TRPM1: variants seen among roughly 807,000 people sequenced by gnomAD.
TRPM1 encodes the protein TRPM1-203 APA Isoform, Intron 10.
A neutral mutation model predicts 149.4 loss-of-function variants in TRPM1; 113 were observed. The ratio of observed to expected loss-of-function variants is 0.76; its 90% CI spans 0.65 to 0.88. The LOEUF (loss-of-function observed/expected upper bound fraction) is 0.88. TRPM1 is among the 40% of genes least tolerant of loss of function. TRPM1 has a pLI of 0.00. For synonymous variants in TRPM1, 741 were observed against 759.5 expected (o/e 0.98, Z 0.40); for missense variants, 1,976 against 2,038.7 (o/e 0.97, Z 0.59).
At chr15:31,131,876 CT>C (rs1449127621) in intron 1 of TRPM1, among the ~76,000 whole-genome samples, 1 of 151,452 alleles carries the variant, frequency 6.6e-6, no homozygotes, top group African/African-American at 2.4e-5. Flanking sequence ...GTTCCTACCA[CT>C]TTTATTTTTT....
At chr15:31,158,483 C>G (rs894083914) in intron 1 of TRPM1, among the ~76,000 whole-genome samples, 1 of 151,800 alleles carries the variant, frequency 6.6e-6, no homozygotes, top group Admixed American at 6.6e-5. Flanking sequence ...AAAAATTATC[C>G]GGGTGTGGTG....
chr15:31,066,710 T>C (rs902851539), intron 6 of TRPM1, among the ~76,000 whole-genome samples: 1 of 152,222 alleles, frequency 6.6e-6, no homozygotes, highest in Non-Finnish European at 1.5e-5. Flanking sequence ...AAAGGTTACA[T>C]TACTGTATGA....
Position 31,002,304 on chromosome 15 carries a change from G to C in TRPM1, c.4396C>G (p.Arg1466Gly). Residue 1466 changes from arginine to glycine, a missense_variant, in exon 28 of 28, where the codon CGG becomes GGG. Arg to Gly is a moderately radical substitution (Grantham distance 125). This residue lies in a region of TRPM1 where 572 missense variants were observed against 578.9 expected (regional missense o/e 0.99). Coordinates refer to ENST00000256552, the MANE Select transcript of TRPM1 (RefSeq NM_001252024.2). ...TMKSRSFVYSRGRKLVGGVNQ... is the reference protein window; with the variant it reads ...TMKSRSFVYSGGRKLVGGVNQ... ...ACCCCACCGACCAGCTTTCTTCCCC[G>C]GGAATAGACGAAGCTTCTGGACTTC... 1 of 1,614,142 alleles carries C rather than the reference G, an allele frequency of 6.2e-7. No homozygotes were observed. Among genetic ancestry groups the C allele is most frequent in the Non-Finnish European group, 8.5e-7 (1 of 1,180,024 alleles).
In TRPM1 at chr15:31,098,354, T is replaced by C. The variant is rs553035768; in HGVS notation, c.-84+3303A>G. The stretch of plus-strand genomic sequence containing the variant: ...AGTTGGCAGGAGAATCGCTTGAATC[T>C]GGGAGGCGGAGGTTGCGGTGAGCCG... On this transcript the variant is annotated intron_variant, in intron 1 of 27. Coordinates refer to ENST00000256552, the MANE Select transcript of TRPM1 (RefSeq NM_001252024.2). 2.0e-5 allele frequency among the ~76,000 whole-genome samples: 3 copies of C among 152,224 alleles called. No individual in the cohort carries two copies. The South Asian group carries it at 6.2e-4, about 32-fold the overall frequency.
At chr15:31,096,729 A>T (rs2035394107) in intron 1 of TRPM1, among the ~76,000 whole-genome samples, 1 of 151,992 alleles carries the variant, frequency 6.6e-6, no homozygotes. Context: ...TCCTTTCCCG[A>T]TGTTCTCTGT....
intron 1 of TRPM1, among the ~76,000 whole-genome samples, chr15:31,150,433 CTT>C (rs35862690): frequency 9.5e-4 from 105 of 110,824 alleles, no homozygotes; most frequent in East Asian, 6.0e-3. Context: ...TTTTCTTTTC[CTT>C]TTTTTTTTTT....
intron 16 of TRPM1, among the ~76,000 whole-genome samples, chr15:31,044,712 C>A (rs2033714794): frequency 6.9e-6 from 1 of 144,794 alleles, no homozygotes; most frequent in East Asian, 2.0e-4. Context: ...ACCTGGGAGG[C>A]TAAGGTTGCA....
At chr15:31,102,431 C>T (rs2035535544), upstream of TRPM1, among the ~76,000 whole-genome samples, 1 of 152,260 alleles carries the variant, frequency 6.6e-6, no homozygotes, top group East Asian at 1.9e-4. Flanking sequence ...TGGGTCTTCC[C>T]CAGCATCTGA....
chr15:31,056,697 T>A (rs375638429), intron 11 of TRPM1, among the ~76,000 whole-genome samples: 12 of 152,232 alleles, frequency 7.9e-5, no homozygotes, highest in Admixed American at 3.9e-4. Flanking sequence ...AATGCTTTTA[T>A]AGAGGGAGAG....
intron 1 of TRPM1, among the ~76,000 whole-genome samples, chr15:31,091,015 A>G (rs78991335): frequency 0.022 from 3,400 of 152,318 alleles, 134 homozygotes; most frequent in African/African-American, 0.077. Flanking sequence ...TGTATTCAGT[A>G]AACAGTTTTG....
intron 1 of TRPM1, among the ~76,000 whole-genome samples, chr15:31,155,914 C>T (rs182568881): frequency 2.0e-5 from 3 of 152,132 alleles, no homozygotes; most frequent in South Asian, 2.1e-4. Context: ...AGAAGGAAAT[C>T]GGCCAGGTGC....
At chr15:31,113,822 T>C (rs1026105446) in intron 1 of TRPM1, among the ~76,000 whole-genome samples, 2 of 152,112 alleles carry the variant, frequency 1.3e-5, no homozygotes, top group African/African-American at 4.8e-5. Context: ...CAAGATTTAT[T>C]GTGAAGATGT....
At chr15:31,103,272 G>A (rs1379160378), upstream of TRPM1, among the ~76,000 whole-genome samples, 2 of 152,186 alleles carry the variant, frequency 1.3e-5, no homozygotes, top group African/African-American at 4.8e-5. Context: ...CCTCCCCAGG[G>A]TCCATGCAGT....
chr15:31,145,115 C>T (rs1335458219), intron 1 of TRPM1, among the ~76,000 whole-genome samples: 4 of 152,084 alleles, frequency 2.6e-5, no homozygotes, highest in African/African-American at 9.7e-5. Flanking sequence ...CGACTAAAAC[C>T]AAAAACTGCT....
chr15:31,030,963 A>G lies in TRPM1; in HGVS notation c.3127+20T>C. The G allele has an allele frequency of 6.2e-7, 1 of 1,613,826 alleles. No individual in the cohort carries two copies. Among genetic ancestry groups the G allele is most frequent in the Non-Finnish European group, 8.5e-7 (1 of 1,179,682 alleles). On this transcript the variant is annotated intron_variant, in intron 23 of 27. Coordinates refer to ENST00000256552, the MANE Select transcript of TRPM1 (RefSeq NM_001252024.2). ...CCTCAGAAGCAGGGAAGAGAATCTT[A>G]CTATGAATTCTACTCTTACGGTCTA... is the stretch of plus-strand genomic sequence containing the variant.
At position 31,088,396 on chromosome 15, in the gene TRPM1, C is replaced by T. The variant is rs143459863; in HGVS notation, c.-83-6958G>A. Among the ~76,000 whole-genome samples the T allele has an allele frequency of 1.1e-4, 16 of 152,298 alleles. No homozygotes were observed. The South Asian group carries it at 2.5e-3, about 24-fold the overall frequency. The stretch of plus-strand genomic sequence containing the variant: ...CCCTTGGCAATAAATGTTATTGCTG[C>T]AAGCAGAAAGTGTCTGGGTTGGCAC... On this transcript the variant is annotated intron_variant, in intron 1 of 27. Transcript: ENST00000256552.
chr15:31,098,561 T>C (rs2035444503), intron 1 of TRPM1, among the ~76,000 whole-genome samples: 1 of 152,126 alleles, frequency 6.6e-6, no homozygotes, highest in African/African-American at 2.4e-5. Context: ...ACTTTATATA[T>C]TCATGTAGTA....
intron 1 of TRPM1, among the ~76,000 whole-genome samples, chr15:31,129,256 C>T (rs779375195): frequency 3.9e-5 from 6 of 152,184 alleles, no homozygotes; most frequent in Non-Finnish European, 4.4e-5. Context: ...GCAGGTGATC[C>T]TAGGTCAAGT....
intron 1 of TRPM1, among the ~76,000 whole-genome samples, chr15:31,113,370 CA>C (rs1210697384): frequency 6.6e-6 from 1 of 152,018 alleles, no homozygotes; most frequent in Non-Finnish European, 1.5e-5. Flanking sequence ...TGGACTGTCA[CA>C]ACCAACGGGG....
Sources: allele counts gnomAD v4.1 joint callset (sites outside exome capture counted in the v4.1 genomes callset), GRCh38; gene constraint gnomAD v4.1.1; regional missense constraint gnomAD v4.1.1; transcripts MANE v1.5; gene names NCBI Gene and HGNC (gene_info 2026-07-23, HGNC 2026-07-21).